The following PXDNL variants were observed in gnomAD, a reference collection of about 807,000 sequenced individuals.
PXDNL encodes peroxidasin like.
PXDNL carries 145 observed loss-of-function variants against 150.8 expected under a neutral mutation model. The observed-to-expected ratio is 0.96, with a 90% CI of 0.84 to 1.10. The LOEUF is 1.10. Among genes scored for constraint, PXDNL ranks in the 50% least tolerant of loss-of-function variants. PXDNL has a pLI of 0.00. For synonymous variants in PXDNL, 757 were observed against 725.7 expected, an observed-to-expected ratio of 1.04 and a Z score of -0.69; for missense variants, 2,087 against 1,873.9, an observed-to-expected ratio of 1.11 and a Z score of -2.10.
chr8:51,803,402 T>G (rs2037641979), intron 1 of PXDNL, among the ~76,000 whole-genome samples: 1 of 152,122 alleles, frequency 6.6e-6, no homozygotes, highest in Admixed American at 6.5e-5. Flanking sequence ...TCCCTGTCCT[T>G]CATAAAAACA....
At chr8:51,449,714 G>GT (rs1809760200) in intron 10 of PXDNL, among the ~76,000 whole-genome samples, 1 of 152,172 alleles carries the variant, frequency 6.6e-6, no homozygotes, top group Non-Finnish European at 1.5e-5. Flanking sequence ...GATTCTGTCC[G>GT]TGACTCTTTG....
At chr8:51,490,162 A>G (rs977196511) in intron 5 of PXDNL, among the ~76,000 whole-genome samples, 1 of 152,200 alleles carries the variant, frequency 6.6e-6, no homozygotes, top group Non-Finnish European at 1.5e-5. Context: ...TCAAATATGA[A>G]CCAAAGACAT....
intron 19 of PXDNL, among the ~76,000 whole-genome samples, chr8:51,370,022 G>A (rs955800821): frequency 3.9e-5 from 6 of 152,198 alleles, no homozygotes; most frequent in South Asian, 2.1e-4. Context: ...TACCCTACAC[G>A]TGCTACCAGG....
intron 1 of PXDNL, among the ~76,000 whole-genome samples, chr8:51,692,899 C>T (rs1312010941): frequency 1.3e-5 from 2 of 152,196 alleles, no homozygotes; most frequent in African/African-American, 4.8e-5. Flanking sequence ...AATTGAAACA[C>T]AAAAATTACA....
intron 2 of PXDNL, among the ~76,000 whole-genome samples, chr8:51,608,431 AG>A (rs1326696102): frequency 6.7e-6 from 1 of 148,158 alleles, no homozygotes; most frequent in Non-Finnish European, 1.5e-5. Flanking sequence ...GAAGAAAGAA[AG>A]GGGCCCAAAG....
chr8:51,718,354 A>C (rs1816659034), intron 1 of PXDNL, among the ~76,000 whole-genome samples: 1 of 152,152 alleles, frequency 6.6e-6, no homozygotes, highest in Non-Finnish European at 1.5e-5. Context: ...CCCTTTAGTG[A>C]GTGGCAAGGA....
intron 5 of PXDNL, among the ~76,000 whole-genome samples, chr8:51,484,540 A>T (rs1810685174): frequency 6.6e-6 from 1 of 152,120 alleles, no homozygotes; most frequent in Non-Finnish European, 1.5e-5. Context: ...GAGATGTGCA[A>T]GCTCTGCCTG....
At chr8:51,608,308 G>A (rs943969533) in intron 2 of PXDNL, among the ~76,000 whole-genome samples, 1 of 144,160 alleles carries the variant, frequency 6.9e-6, no homozygotes, top group Non-Finnish European at 1.5e-5. Context: ...AGAATGGCGT[G>A]AACCCGGGAG....
At chr8:51,744,952 GAA>G (rs1220277184) in intron 1 of PXDNL, among the ~76,000 whole-genome samples, 1 of 39,302 alleles carries the variant, frequency 2.5e-5, no homozygotes, top group South Asian at 1.7e-3. Flanking sequence ...AAGAAAGAAA[GAA>G]AGAAAGAAAG....
At chr8:51,474,031 T>C (rs1026684929) in intron 7 of PXDNL, among the ~76,000 whole-genome samples, 33 of 152,342 alleles carry the variant, frequency 2.2e-4, no homozygotes, top group African/African-American at 7.5e-4. Flanking sequence ...AGATGGGAGC[T>C]ATGGACAAGC....
Position 51,475,049 on chromosome 8 carries a change from G to A in PXDNL, c.617C>T (p.Ala206Val), listed in dbSNP as rs747795190. The change falls in exon 7 of 23, where the codon GCT becomes GTT. Residue 206 changes from alanine to valine, a missense_variant. Physicochemically the swap from Ala to Val is moderately conservative, Grantham distance 64. Transcript: ENST00000356297. The stretch of plus-strand genomic sequence containing the variant: ...CCTGGGATATTCGCAGGTAGCCGCA[G>A]CCTGGGTGTGGCCGTGTTGGGCAAA... ...QGFAQHGHTQ[A>V]AATCEYPRRL... 9 of 1,613,620 alleles carry A rather than the reference G, an allele frequency of 5.6e-6. No homozygotes were observed. The highest frequency in any genetic ancestry group is 1.7e-4 in the Middle Eastern group (1 of 6,026).
At chr8:51,406,423 G>T (rs73579680) in intron 17 of PXDNL, among the ~76,000 whole-genome samples, 4,709 of 152,252 alleles carry the variant, frequency 0.031, 231 homozygotes, top group African/African-American at 0.11. Flanking sequence ...ATGCCTGCCA[G>T]TTACCATGTC....
rs1169995989 is a variant in PXDNL at position 51,462,387 on chromosome 8, A to T, written c.813-4720T>A. ...TGAGATAAGGAGAAAGTTGAAACCT[A>T]ATCCAAGGAAGCCAATAGAATGACT... On this transcript the variant is annotated intron_variant, in intron 8 of 22. Coordinates refer to ENST00000356297, the MANE Select transcript of PXDNL (RefSeq NM_144651.5). Among the ~76,000 whole-genome samples, 5 of 152,342 alleles carry T rather than the reference A, an allele frequency of 3.3e-5. No individual in the cohort carries two copies. In the East Asian group the frequency reaches 9.6e-4, roughly 29 times the overall value.
chr8:51,623,069 C>A (rs1235163543), intron 2 of PXDNL, among the ~76,000 whole-genome samples: 1 of 152,244 alleles, frequency 6.6e-6, no homozygotes, highest in East Asian at 1.9e-4. Flanking sequence ...GGTTTCCATA[C>A]TTCCTGGTTT....
chr8:51,533,864 GC>G (rs1265258701), intron 4 of PXDNL, among the ~76,000 whole-genome samples: 1 of 150,388 alleles, frequency 6.6e-6, no homozygotes, highest in Middle Eastern at 3.2e-3. Context: ...GCCTGCCTTG[GC>G]CCCCTAAAGT....
intron 4 of PXDNL, among the ~76,000 whole-genome samples, chr8:51,548,177 C>T (rs1812404076): frequency 6.6e-6 from 1 of 151,290 alleles, no homozygotes; most frequent in South Asian, 2.1e-4. Context: ...AACAAAGCCT[C>T]CCAGAAATTT....
At chr8:51,776,823 C>G (rs1254812257) in intron 1 of PXDNL, among the ~76,000 whole-genome samples, 1 of 152,190 alleles carries the variant, frequency 6.6e-6, no homozygotes, top group African/African-American at 2.4e-5. Context: ...CTGCAATGGT[C>G]TTGACATGTA....
chr8:51,423,062 A>G (rs1808998105), intron 14 of PXDNL, among the ~76,000 whole-genome samples: 1 of 152,226 alleles, frequency 6.6e-6, no homozygotes, highest in East Asian at 1.9e-4. Flanking sequence ...ATATAACCAG[A>G]TTGGTGATAG....
intron 2 of PXDNL, among the ~76,000 whole-genome samples, chr8:51,610,669 A>G (rs1469461685): frequency 6.6e-6 from 1 of 152,208 alleles, no homozygotes; most frequent in East Asian, 1.9e-4. Flanking sequence ...GCGTCTCACC[A>G]GGCTGAAATC....
Sources: gnomAD v4.1 joint callset for allele counts (sites outside exome capture counted in the v4.1 genomes callset) on GRCh38, gnomAD v4.1.1 for gene constraint, MANE v1.5 for transcripts, NCBI Gene and HGNC (gene_info 2026-07-23, HGNC 2026-07-21) for gene names.